Variants in GOLGA4 observed in about 807,000 individuals in gnomAD.
GOLGA4 encodes the protein golgin A4, also known as golgin subfamily A member 4.
A neutral mutation model predicts 265.9 loss-of-function variants in GOLGA4; 169 were observed. The observed-to-expected ratio is 0.64, with a 90% CI of 0.56 to 0.72. GOLGA4 has a LOEUF of 0.72. Ranked by LOEUF, GOLGA4 falls within the 30% of genes least tolerant of loss-of-function variation. The probability of loss-of-function intolerance (pLI) is 0.00; values close to 1 mark genes in which losing one functional copy is unlikely to be tolerated. For synonymous variants in GOLGA4, 923 were observed against 855.8 expected (o/e 1.08, Z -1.37); for missense variants, 2,482 against 2,483.4 (o/e 1.00, Z 0.01).
At chr3:37,357,618 T>C (rs2097094083) in intron 22 of GOLGA4, among the ~76,000 whole-genome samples, 1 of 152,186 alleles carries the variant, frequency 6.6e-6, no homozygotes. Flanking sequence ...TACTTGATAA[T>C]GTGACTCATG....
At position 37,243,298 on chromosome 3, in the gene GOLGA4, G is replaced by A; in HGVS notation, c.-253G>A. 1.8e-6 allele frequency: 1 copy of A among 542,784 alleles called. No individual in the cohort carries two copies. Among genetic ancestry groups the A allele is most frequent in the Non-Finnish European group, 3.3e-6 (1 of 305,874 alleles). 33.6% of individuals were successfully genotyped at this position (542,784 alleles called of 1,614,324 possible). On this transcript the variant is annotated 5_prime_UTR_variant, in exon 1 of 24. Transcript: ENST00000361924. ...TTCACCTGCTGCCGTTGTCGTCGCC[G>A]CCGCGGCTCCCGGGGCTGGATGGGG...
Position 37,326,221 on chromosome 3 carries a change from G to T in GOLGA4, c.4335G>T (p.Trp1445Cys). The T allele has an allele frequency of 6.2e-7, 1 of 1,613,654 alleles. No individual in the cohort carries two copies. The highest frequency in any genetic ancestry group is 8.5e-7 in the Non-Finnish European group (1 of 1,179,694). Residue 1445 changes from tryptophan to cysteine, a missense_variant, in exon 14 of 24, where the codon TGG (tryptophan) becomes TGT (cysteine). Physicochemically the swap from Trp to Cys is radical, Grantham distance 215. Coordinates refer to ENST00000361924, the MANE Select transcript of GOLGA4 (RefSeq NM_002078.5). ...VDDWSNKFSE[W>C]KKKAQSRFTQ... ...ACTGGTCCAATAAATTCTCAGAATG[G>T]AAGAAGAAAGCACAGTCAAGATTTA... is the stretch of plus-strand genomic sequence containing the variant.
intron 23 of GOLGA4, among the ~76,000 whole-genome samples, chr3:37,364,161 T>C (rs1696563804): frequency 6.6e-6 from 1 of 152,220 alleles, no homozygotes. Flanking sequence ...CCTCTATTAA[T>C]CTTACTTGGT....
At chr3:37,332,766 A>G (rs2096995155) in intron 16 of GOLGA4, among the ~76,000 whole-genome samples, 1 of 152,134 alleles carries the variant, frequency 6.6e-6, no homozygotes, top group South Asian at 2.1e-4. Flanking sequence ...AATGAAATAT[A>G]TTCTTATTTT....
At chr3:37,330,928 G>A (rs1484826798) in intron 16 of GOLGA4, among the ~76,000 whole-genome samples, 1 of 151,922 alleles carries the variant, frequency 6.6e-6, no homozygotes, top group African/African-American at 2.4e-5. Context: ...ACTCAGAGGA[G>A]GATGAGGCAG....
At chr3:37,263,097 T>C (rs1415390483) in intron 2 of GOLGA4, among the ~76,000 whole-genome samples, 6 of 152,232 alleles carry the variant, frequency 3.9e-5, no homozygotes, top group Admixed American at 3.9e-4. Flanking sequence ...GTGTCATTTT[T>C]TCTTTTATTC....
chr3:37,274,789 G>A (rs1468612833), intron 2 of GOLGA4, among the ~76,000 whole-genome samples: 7 of 152,124 alleles, frequency 4.6e-5, no homozygotes, highest in African/African-American at 7.2e-5. Flanking sequence ...GTTGTTCTTA[G>A]TAGTCCCTAA....
intron 17 of GOLGA4, among the ~76,000 whole-genome samples, chr3:37,336,121 T>TA (rs1353037570): frequency 3.3e-5 from 5 of 152,204 alleles, no homozygotes; most frequent in African/African-American, 1.2e-4. Flanking sequence ...TGTCACTTGG[T>TA]AGGCATATGT....
Position 37,296,102 on chromosome 3 carries a change from C to G in GOLGA4, c.697C>G (p.Gln233Glu). ...VLQTQVSLLKQRLRNGPMNVD... is the reference protein window; with the variant it reads ...VLQTQVSLLKERLRNGPMNVD... ...TTTATATTAGGTTTCTCTACTGAAA[C>G]AACGATTACGAAATGGCCCGATGAA... The change falls in exon 7 of 24, where the codon CAA (glutamine) becomes GAA (glutamate). Residue 233 changes from glutamine (Q) to glutamate (E), a missense_variant. Gln to Glu is a conservative substitution (Grantham distance 29). Coordinates refer to ENST00000361924, the MANE Select transcript of GOLGA4 (RefSeq NM_002078.5). 6.2e-7 allele frequency: 1 copy of G among 1,613,760 alleles called. No homozygotes were observed. Among genetic ancestry groups the G allele is most frequent in the South Asian group, 1.1e-5 (1 of 91,076 alleles).
chr3:37,302,346 G>T lies in GOLGA4; in HGVS notation c.1234+14G>T. On this transcript the variant is annotated intron_variant, in intron 10 of 23. Coordinates refer to ENST00000361924, the MANE Select transcript of GOLGA4 (RefSeq NM_002078.5). ...CCGAAAGAGCTGGTAAGAACTTGAG[G>T]GTTACTTGTTTTATGTTGGAACTCA... 6.2e-7 allele frequency: 1 copy of T among 1,604,378 alleles called. No homozygotes were observed.
chr3:37,306,333 A>G (rs2096905979), intron 10 of GOLGA4, among the ~76,000 whole-genome samples: 1 of 152,226 alleles, frequency 6.6e-6, no homozygotes, highest in Non-Finnish European at 1.5e-5. Flanking sequence ...TTACTTAAGA[A>G]CAGATGGTCA....
At chr3:37,269,011 G>C (rs1339847387) in intron 2 of GOLGA4, among the ~76,000 whole-genome samples, 2 of 152,204 alleles carry the variant, frequency 1.3e-5, no homozygotes, top group Non-Finnish European at 2.9e-5. Context: ...GAAAAATGCA[G>C]CTGTTTACCC....
intron 20 of GOLGA4, among the ~76,000 whole-genome samples, chr3:37,342,991 C>T (rs1194549268): frequency 6.6e-6 from 1 of 152,210 alleles, no homozygotes; most frequent in Non-Finnish European, 1.5e-5. Context: ...CCTCCACTTC[C>T]TGGGTTCAAG....
At chr3:37,264,457 G>A (rs2096778258) in intron 2 of GOLGA4, among the ~76,000 whole-genome samples, 1 of 151,418 alleles carries the variant, frequency 6.6e-6, no homozygotes, top group Non-Finnish European at 1.5e-5. Context: ...GCTGAATCCT[G>A]TCTAAGAAGT....
chr3:37,320,053 T>C (rs1048754722), intron 12 of GOLGA4: 10 of 150,588 alleles, frequency 6.6e-5, no homozygotes, highest in Non-Finnish European at 1.5e-4. Context: ...GTAATTTTTA[T>C]TTTAAGTGGA....
rs1479954599 is a variant in GOLGA4, at chr3:37,361,250, C to T, written c.6671C>T (p.Ser2224Leu). The T allele has an allele frequency of 6.8e-6, 11 of 1,612,158 alleles. No homozygotes were observed. Among genetic ancestry groups the T allele is most frequent in the Non-Finnish European group, 9.3e-6 (11 of 1,178,498 alleles). Residue 2224 changes from serine to leucine, a missense_variant, in exon 23 of 24, where the codon TCA becomes TTA. By Grantham distance (145) the Ser-to-Leu change is moderately radical. This residue lies in a region of GOLGA4 where 942 missense variants were observed against 983.1 expected (regional missense o/e 0.96). Coordinates refer to ENST00000361924, the MANE Select transcript of GOLGA4 (RefSeq NM_002078.5). ...EREDARLMFT[S>L]PRSGIF ...TTCTTCCTGGCTTTGTAGTTTACTT[C>T]ACCTCGCAGTGGTATCTTCTGAGTA...
At chr3:37,349,870 T>A (rs1015859045) in intron 21 of GOLGA4, among the ~76,000 whole-genome samples, 3 of 152,204 alleles carry the variant, frequency 2.0e-5, no homozygotes, top group Non-Finnish European at 4.4e-5. Flanking sequence ...CACAGTGTTC[T>A]TTATTTTATG....
At chr3:37,251,546 G>A in intron 2 of GOLGA4, 62 bp downstream of exon 2, 1 of 1,025,100 alleles carries the variant, frequency 9.8e-7, no homozygotes, top group Non-Finnish European at 1.5e-6. Flanking sequence ...AATGTATGCT[G>A]TTGATAACAA....
At chr3:37,314,891 G>A (rs2096933300) in intron 10 of GOLGA4, among the ~76,000 whole-genome samples, 1 of 151,950 alleles carries the variant, frequency 6.6e-6, no homozygotes, top group Non-Finnish European at 1.5e-5. Context: ...GCCAGTAAAT[G>A]TTTAAAAAAG....
Sources: allele counts gnomAD v4.1 joint callset (sites outside exome capture counted in the v4.1 genomes callset), GRCh38; gene constraint gnomAD v4.1.1; regional missense constraint gnomAD v4.1.1; transcripts MANE v1.5; gene names NCBI Gene and HGNC (gene_info 2026-07-23, HGNC 2026-07-21).